CD2AP: variants seen among roughly 807,000 people sequenced by gnomAD.
CD2AP encodes the protein CD2 associated protein.
A neutral mutation model predicts 85.1 loss-of-function variants in CD2AP; 46 were observed. The observed-to-expected ratio is 0.54, with a 90% CI of 0.43 to 0.69. The LOEUF is 0.69. Among genes scored for constraint, CD2AP ranks in the 30% least tolerant of loss-of-function variants. CD2AP has a pLI of 0.00. For missense variants in CD2AP, 769 were observed against 729.5 expected (o/e 1.05, Z -0.62); for synonymous variants, 255 against 252.9 (o/e 1.01, Z -0.08).
intron 9 of CD2AP, chr6:47,579,741 A>G (rs1242851526): frequency 2.5e-6 from 1 of 404,436 alleles, no homozygotes; most frequent in Non-Finnish European, 4.5e-6. Flanking sequence ...TAATTTAAGA[A>G]GGGCTGTCTA....
At chr6:47,505,861 A>G (rs1196673991) in intron 2 of CD2AP, among the ~76,000 whole-genome samples, 1 of 98,516 alleles carries the variant, frequency 1.0e-5, no homozygotes. Flanking sequence ...CTGACCCCCC[A>G]CCTCCCTCCC....
chr6:47,500,367 C>T (rs1765969054), intron 1 of CD2AP, among the ~76,000 whole-genome samples: 1 of 152,160 alleles, frequency 6.6e-6, no homozygotes, highest in African/African-American at 2.4e-5. Flanking sequence ...TTTGGTATTT[C>T]ATTTATAGCT....
intron 2 of CD2AP, among the ~76,000 whole-genome samples, chr6:47,508,706 A>G (rs1156506399): frequency 6.6e-6 from 1 of 152,024 alleles, no homozygotes; most frequent in African/African-American, 2.4e-5. Flanking sequence ...CACCACGCCC[A>G]GCTAATTTTT....
chr6:47,502,967 A>C (rs1389713952), intron 1 of CD2AP, among the ~76,000 whole-genome samples: 1 of 152,200 alleles, frequency 6.6e-6, no homozygotes, highest in Non-Finnish European at 1.5e-5. Context: ...AGTGGGGATC[A>C]TGGAGACCAC....
At chr6:47,514,433 A>G (rs556967932) in intron 2 of CD2AP, among the ~76,000 whole-genome samples, 17 of 152,368 alleles carry the variant, frequency 1.1e-4, no homozygotes, top group Admixed American at 1.3e-4. Context: ...AGACTAAAGT[A>G]GAGAATAAAG....
rs528092222 is a variant in CD2AP at position 47,581,041 on chromosome 6, T to A, written c.1045+141T>A. On this transcript the variant is annotated intron_variant, in intron 10 of 17. Coordinates refer to ENST00000359314, the MANE Select transcript of CD2AP (RefSeq NM_012120.3). The stretch of plus-strand genomic sequence containing the variant: ...TTTTTAGAAATATATGAAAATTGAG[T>A]GTTCACATGCATTAGTATCTGTCAT... 1.3e-4 allele frequency: 92 copies of A among 685,536 alleles called. No homozygotes were observed. In the African/African-American group the frequency reaches 1.3e-3, roughly 10 times the overall value. 42.5% of individuals were successfully genotyped at this position (685,536 alleles called of 1,614,324 possible).
intron 1 of CD2AP, among the ~76,000 whole-genome samples, chr6:47,499,651 A>G (rs1562004492): frequency 1.3e-5 from 2 of 152,084 alleles, no homozygotes; most frequent in South Asian, 2.1e-4. Flanking sequence ...ATGATCAACT[A>G]TTGTCTGCGC....
chr6:47,590,606 G>A (rs1381777995), intron 11 of CD2AP, among the ~76,000 whole-genome samples: 2 of 152,064 alleles, frequency 1.3e-5, no homozygotes, highest in Non-Finnish European at 2.9e-5. Context: ...TTTTGTGCAG[G>A]CACGTTCCAC....
chr6:47,483,387 A>G (rs1281541158), intron 1 of CD2AP, among the ~76,000 whole-genome samples: 1 of 152,176 alleles, frequency 6.6e-6, no homozygotes, highest in African/African-American at 2.4e-5. Flanking sequence ...GGTAGCAGGC[A>G]CTAGGTAGAG....
intron 3 of CD2AP, among the ~76,000 whole-genome samples, 187 bp downstream of exon 3, chr6:47,533,942 C>A (rs1766960799): frequency 1.3e-5 from 2 of 152,192 alleles, no homozygotes; most frequent in African/African-American, 4.8e-5. Flanking sequence ...CAATCAATAA[C>A]AAATCAATAT....
intron 13 of CD2AP, among the ~76,000 whole-genome samples, chr6:47,605,567 T>C (rs1769248021): frequency 6.6e-6 from 1 of 151,906 alleles, no homozygotes; most frequent in South Asian, 2.1e-4. Flanking sequence ...CACAATAATG[T>C]CTAAACAAAG....
intron 3 of CD2AP, among the ~76,000 whole-genome samples, chr6:47,538,795 T>C (rs1562022303): frequency 6.6e-6 from 1 of 152,236 alleles, no homozygotes; most frequent in East Asian, 1.9e-4. Flanking sequence ...TTGTTTGATC[T>C]GAATATTTAC....
intron 5 of CD2AP, among the ~76,000 whole-genome samples, chr6:47,566,525 A>C (rs1190984160): frequency 6.6e-6 from 1 of 151,928 alleles, no homozygotes. Flanking sequence ...TCTGGGATAC[A>C]TATGCAGAAC....
At chr6:47,594,133 C>G (rs1027385903) in intron 11 of CD2AP, among the ~76,000 whole-genome samples, 1 of 151,942 alleles carries the variant, frequency 6.6e-6, no homozygotes, top group African/African-American at 2.4e-5. Context: ...CAGGGGTTAA[C>G]TAATTAATGA....
At chr6:47,579,228 G>T (rs748038105) in intron 8 of CD2AP, among the ~76,000 whole-genome samples, 157 bp from the exon 9 acceptor site, 1 of 151,776 alleles carries the variant, frequency 6.6e-6, no homozygotes, top group Non-Finnish European at 1.5e-5. Flanking sequence ...CCAGCCACTT[G>T]GGAGGCTGAG....
chr6:47,616,447 AC>A (rs1441803895), intron 17 of CD2AP, among the ~76,000 whole-genome samples: 2 of 152,142 alleles, frequency 1.3e-5, no homozygotes, highest in Non-Finnish European at 2.9e-5. Flanking sequence ...GCACTTCGGT[AC>A]TAAATTATAC....
intron 2 of CD2AP, among the ~76,000 whole-genome samples, chr6:47,518,548 T>G (rs1230773515): frequency 6.6e-6 from 1 of 152,252 alleles, no homozygotes. Context: ...TTTTTACCTG[T>G]TGGTGGATAT....
chr6:47,568,743 C>CAAATACAT (rs112669485), intron 5 of CD2AP, among the ~76,000 whole-genome samples: 30 of 150,332 alleles, frequency 2.0e-4, no homozygotes, highest in Admixed American at 2.0e-4. Context: ...GACTCCGTCT[C>CAAATACAT]AAATAAATAA....
intron 1 of CD2AP, among the ~76,000 whole-genome samples, chr6:47,500,546 C>T (rs753352774): frequency 5.9e-5 from 9 of 152,086 alleles, no homozygotes; most frequent in African/African-American, 1.4e-4. Flanking sequence ...CTTCATGTAA[C>T]GAATCTGAAG....
Sources: allele counts gnomAD v4.1 joint callset (sites outside exome capture counted in the v4.1 genomes callset), GRCh38; gene constraint gnomAD v4.1.1; transcripts MANE v1.5; gene names NCBI Gene and HGNC (gene_info 2026-07-23, HGNC 2026-07-21).